Variants in PREX2 observed in about 807,000 individuals in gnomAD.
The protein encoded by PREX2 is phosphatidylinositol-3,4,5-trisphosphate dependent Rac exchange factor 2.
A neutral mutation model predicts 203.2 loss-of-function variants in PREX2; 107 were observed. That is an observed-to-expected ratio of 0.53 (90% confidence interval 0.45 to 0.62). The LOEUF (loss-of-function observed/expected upper bound fraction) is 0.62. Ranked by LOEUF, PREX2 falls within the 20% of genes least tolerant of loss-of-function variation. The probability of loss-of-function intolerance (pLI) is 0.00; values close to 1 mark genes in which losing one functional copy is unlikely to be tolerated. For synonymous variants in PREX2, 672 were observed against 663.6 expected (o/e 1.01, Z -0.19); for missense variants, 1,777 against 1,955.9 (o/e 0.91, Z 1.72).
intron 35 of PREX2, among the ~76,000 whole-genome samples, chr8:68,187,282 A>T (rs985453422): frequency 2.5e-4 from 38 of 152,126 alleles, no homozygotes; most frequent in African/African-American, 8.7e-4. Context: ...TTGCACACTG[A>T]TCATGAAATT....
intron 1 of PREX2, among the ~76,000 whole-genome samples, chr8:68,010,769 G>A (rs553342858): frequency 6.6e-6 from 1 of 152,278 alleles, no homozygotes; most frequent in South Asian, 2.1e-4. Flanking sequence ...TTCTAGGTGT[G>A]TAGGGGAGGA....
At chr8:67,998,510 C>G (rs1806837134) in intron 1 of PREX2, among the ~76,000 whole-genome samples, 1 of 152,204 alleles carries the variant, frequency 6.6e-6, no homozygotes. Flanking sequence ...TGACTCATGC[C>G]TGTAATCCCA....
chr8:68,044,596 T>C lies in PREX2; in HGVS notation c.943+6T>C, dbSNP rs753116491. The C allele has an allele frequency of 6.3e-7, 1 of 1,598,150 alleles. No individual in the cohort carries two copies. The highest frequency in any genetic ancestry group is 8.6e-7 in the Non-Finnish European group (1 of 1,166,488). The stretch of plus-strand genomic sequence containing the variant: ...GAATGTGGATGATGGCACCGGTAAG[T>C]GATTTGTAGATTTTAAATGGGATGC... On this transcript the variant is annotated splice_donor_region_variant and intron_variant, in intron 8 of 39. Coordinates refer to ENST00000288368, the MANE Select transcript of PREX2 (RefSeq NM_024870.4).
intron 14 of PREX2, among the ~76,000 whole-genome samples, chr8:68,073,750 T>G (rs540575955): frequency 1.4e-4 from 21 of 152,312 alleles, no homozygotes; most frequent in Non-Finnish European, 2.6e-4. Flanking sequence ...GGAGTTGGAC[T>G]TTCACATAGA....
chr8:68,067,904 G>C (rs941594519), intron 11 of PREX2, among the ~76,000 whole-genome samples: 1 of 152,002 alleles, frequency 6.6e-6, no homozygotes, highest in Non-Finnish European at 1.5e-5. Context: ...CAAATTTGTT[G>C]AGAGCTTTCA....
At chr8:68,182,656 A>G (rs1812106980) in intron 35 of PREX2, among the ~76,000 whole-genome samples, 1 of 151,978 alleles carries the variant, frequency 6.6e-6, no homozygotes, top group Non-Finnish European at 1.5e-5. Flanking sequence ...AACCCTTTCT[A>G]GCTCTCATGA....
At chr8:68,196,512 G>A (rs955627714) in intron 37 of PREX2, among the ~76,000 whole-genome samples, 10 of 149,042 alleles carry the variant, frequency 6.7e-5, no homozygotes, top group African/African-American at 1.2e-4. Flanking sequence ...TAGTGTCTTC[G>A]TTTACTTGTG....
intron 1 of PREX2, among the ~76,000 whole-genome samples, chr8:67,975,264 C>A (rs1585667884): frequency 7.1e-6 from 1 of 141,658 alleles, no homozygotes; most frequent in African/African-American, 2.6e-5. Context: ...GTTACCTGCA[C>A]ACGGCCTGTT....
chr8:68,033,304 T>C (rs149801166), intron 6 of PREX2, among the ~76,000 whole-genome samples: 1 of 152,182 alleles, frequency 6.6e-6, no homozygotes, highest in Admixed American at 6.6e-5. Context: ...TTGGGGATGA[T>C]ATATAATACC....
intron 39 of PREX2, 116 bp from the exon 40 acceptor site, chr8:68,231,217 C>T (rs1001148729): frequency 2.1e-5 from 14 of 669,574 alleles, no homozygotes; most frequent in Non-Finnish European, 3.2e-5. Context: ...ATAGACAATC[C>T]GATCATGACT....
intron 6 of PREX2, among the ~76,000 whole-genome samples, chr8:68,033,741 G>A (rs140661952): frequency 3.0e-4 from 46 of 152,264 alleles, no homozygotes; most frequent in Non-Finnish European, 5.0e-4. Flanking sequence ...TTTGCTAAGG[G>A]AAGGGCAGAG....
chr8:68,048,673 C>T (rs902296134), intron 8 of PREX2, among the ~76,000 whole-genome samples: 1 of 151,948 alleles, frequency 6.6e-6, no homozygotes, highest in African/African-American at 2.4e-5. Flanking sequence ...TAATGTCATA[C>T]AAAGGCAAAC....
chr8:68,079,583 C>CT (rs11372129), intron 15 of PREX2, among the ~76,000 whole-genome samples: 81,024 of 151,812 alleles, frequency 0.53, 21,637 homozygotes, highest in South Asian at 0.56. Flanking sequence ...CCTGGGATCA[C>CT]TTTCTTTTAG....
Position 68,170,455 on chromosome 8 carries a change from CAG to C in PREX2, c.4346+13023_4346+13024del, listed in dbSNP as rs1461548066. On this transcript the variant is annotated intron_variant, in intron 35 of 39. Transcript: ENST00000288368. ...CCCCGGTCTCCTGTGGAAACACGAA[CAG>C]AGACAGGCACCTGGAGAGCCTTTGC... is the stretch of plus-strand genomic sequence containing the variant. 5.9e-5 allele frequency among the ~76,000 whole-genome samples: 9 copies of C among 152,342 alleles called. 1 individual carries two copies. The highest frequency in any genetic ancestry group is 2.2e-4 in the African/African-American group (9 of 41,578).
At chr8:68,152,289 G>GGAAAAAAA (rs1554581337) in intron 34 of PREX2, among the ~76,000 whole-genome samples, 2 of 72,920 alleles carry the variant, frequency 2.7e-5, no homozygotes, top group South Asian at 8.0e-4. Flanking sequence ...CCCTCTCAGA[G>GGAAAAAAA]AAAAAAAAAA....
intron 1 of PREX2, among the ~76,000 whole-genome samples, chr8:67,958,467 A>C (rs986218842): frequency 6.6e-6 from 1 of 152,212 alleles, no homozygotes; most frequent in East Asian, 1.9e-4. Flanking sequence ...TATAATACCA[A>C]TTACTTTAAT....
At chr8:68,113,231 G>A (rs1044793298) in intron 25 of PREX2, among the ~76,000 whole-genome samples, 9 of 152,178 alleles carry the variant, frequency 5.9e-5, no homozygotes, top group Non-Finnish European at 1.2e-4. Flanking sequence ...GTCAATGCAA[G>A]CATGATTGCA....
intron 35 of PREX2, among the ~76,000 whole-genome samples, chr8:68,164,050 CT>C (rs1478218971): frequency 6.6e-6 from 1 of 152,060 alleles, no homozygotes; most frequent in Non-Finnish European, 1.5e-5. Flanking sequence ...CTGTCCATGA[CT>C]CTCTAGACTT....
At chr8:68,185,968 T>G (rs532048070) in intron 35 of PREX2, among the ~76,000 whole-genome samples, 2 of 148,628 alleles carry the variant, frequency 1.3e-5, no homozygotes, top group South Asian at 4.2e-4. Context: ...TTCATCAAAT[T>G]TTGCCATTAA....
Sources: allele counts gnomAD v4.1 joint callset (sites outside exome capture counted in the v4.1 genomes callset), GRCh38; gene constraint gnomAD v4.1.1; transcripts MANE v1.5; gene names NCBI Gene and HGNC (gene_info 2026-07-23, HGNC 2026-07-21).